The following MCF2L2 variants were observed in gnomAD, a reference collection of about 807,000 sequenced individuals.
MCF2L2 encodes the protein MCF.2 cell line derived transforming sequence-like 2, also known as probable guanine nucleotide exchange factor MCF2L2.
Under a neutral mutation model 150.2 loss-of-function variants are expected in MCF2L2, and 102 were observed. The observed-to-expected ratio is 0.68, with a 90% CI of 0.58 to 0.80. The LOEUF (loss-of-function observed/expected upper bound fraction) is 0.80, where lower values mean the gene tolerates loss of function less well. Ranked by LOEUF, MCF2L2 falls within the 30% of genes least tolerant of loss-of-function variation. The pLI, the probability that MCF2L2 is intolerant of heterozygous loss-of-function variation, is 0.00. For synonymous variants in MCF2L2, 465 were observed against 491.3 expected (o/e 0.95, Z 0.71); for missense variants, 1,256 against 1,372.8 (o/e 0.91, Z 1.34).
rs143577677 is a variant in MCF2L2 at position 183,205,107 on chromosome 3, G to A, written c.2884+769C>T. Among the ~76,000 whole-genome samples the A allele has an allele frequency of 4.1e-3, 631 of 152,290 alleles. 9 individuals carry two copies. Among genetic ancestry groups the A allele is most frequent in the Non-Finnish European group, 1.4e-3 (98 of 68,012 alleles). ...ACTTTAAAACAAAAAACAGCTGGGC[G>A]CAGTGGCTCACACCTGTAATCCCAG... is the stretch of plus-strand genomic sequence containing the variant. On this transcript the variant is annotated intron_variant, in intron 25 of 29. Transcript: ENST00000328913.
chr3:183,209,788 C>T (rs2108650098), intron 22 of MCF2L2, among the ~76,000 whole-genome samples: 1 of 152,214 alleles, frequency 6.6e-6, no homozygotes, highest in Admixed American at 6.5e-5. Context: ...TGCTCCCGGC[C>T]TTCATGCACT....
intron 8 of MCF2L2, 51 bp downstream of exon 8, chr3:183,311,597 T>C: frequency 6.2e-7 from 1 of 1,607,176 alleles, no homozygotes; most frequent in Non-Finnish European, 8.5e-7. Flanking sequence ...CCAGAACATC[T>C]AGGTCTACAT....
intron 21 of MCF2L2, 62 bp downstream of exon 21, chr3:183,219,794 G>T (rs954167098): frequency 3.6e-6 from 4 of 1,110,802 alleles, no homozygotes; most frequent in South Asian, 1.3e-5. Flanking sequence ...TAAATCCTCC[G>T]ACCCATAGAC....
At chr3:183,349,897 C>T (rs1266486196) in intron 3 of MCF2L2, among the ~76,000 whole-genome samples, 4 of 151,628 alleles carry the variant, frequency 2.6e-5, no homozygotes, top group Non-Finnish European at 5.9e-5. Flanking sequence ...ACTTGAACCA[C>T]GTAATCATTG....
intron 3 of MCF2L2, among the ~76,000 whole-genome samples, chr3:183,369,858 C>T (rs1034212861): frequency 7.9e-5 from 12 of 152,134 alleles, no homozygotes; most frequent in Non-Finnish European, 1.5e-4. Context: ...TGTTGAAGGG[C>T]GTGGCAAACA....
chr3:183,284,540 A>G (rs745799671), intron 14 of MCF2L2, among the ~76,000 whole-genome samples: 4 of 152,148 alleles, frequency 2.6e-5, no homozygotes, highest in Non-Finnish European at 5.9e-5. Flanking sequence ...TGTCTCTACT[A>G]GAAATACAAA....
intron 5 of MCF2L2, among the ~76,000 whole-genome samples, chr3:183,324,282 C>A (rs939255026): frequency 6.6e-6 from 1 of 152,148 alleles, no homozygotes; most frequent in African/African-American, 2.4e-5. Context: ...AGGAAGCTGA[C>A]GCATCCCCAA....
At chr3:183,204,879 G>C (rs370727780) in intron 25 of MCF2L2, among the ~76,000 whole-genome samples, 1 of 152,008 alleles carries the variant, frequency 6.6e-6, no homozygotes, top group Non-Finnish European at 1.5e-5. Flanking sequence ...AAAAAAATAC[G>C]CAAAGTGAAA....
chr3:183,250,490 G>A (rs1345166335), intron 15 of MCF2L2, among the ~76,000 whole-genome samples: 2 of 152,016 alleles, frequency 1.3e-5, no homozygotes, highest in African/African-American at 2.4e-5. Flanking sequence ...GGGAGGCTGA[G>A]GCAGGAGAGT....
Position 183,309,774 on chromosome 3 carries a change from C to T in MCF2L2, c.1055G>A (p.Ser352Asn), listed in dbSNP as rs200012354. ...AAGAATCTGCTCCACGTGCATCACG[C>T]TGTCTCCAATGCCTGTAAACTCTGC... ...EQAEFTGIGD[S>N]VMHVEQILKE... Residue 352 changes from serine (S) to asparagine (N), a missense_variant, in exon 10 of 30, where the codon AGC (serine) becomes AAC (asparagine). Ser to Asn is a conservative substitution (Grantham distance 46). Transcript: ENST00000328913. 6 of 1,614,006 alleles carry T rather than the reference C, an allele frequency of 3.7e-6. No homozygotes were observed. The African/African-American group carries it at 8.0e-5, about 22-fold the overall frequency.
chr3:183,392,146 TTTAAA>T (rs1310319010), intron 1 of MCF2L2, among the ~76,000 whole-genome samples: 6 of 152,338 alleles, frequency 3.9e-5, no homozygotes, highest in East Asian at 3.9e-4. Flanking sequence ...TGAGGTGTGC[TTTAAA>T]TTAAACATTT....
At chr3:183,228,402 G>T in intron 17 of MCF2L2, 36 bp from the exon 18 acceptor site, 1 of 1,422,122 alleles carries the variant, frequency 7.0e-7, no homozygotes, top group Non-Finnish European at 9.9e-7. Context: ...ATAATGTTTT[G>T]ATTTTGACAT....
intron 3 of MCF2L2, among the ~76,000 whole-genome samples, chr3:183,345,333 G>C: frequency 6.6e-6 from 1 of 152,040 alleles, no homozygotes; most frequent in East Asian, 1.9e-4. Context: ...GGTAAATAAC[G>C]AAATTAAGGC....
intron 15 of MCF2L2, among the ~76,000 whole-genome samples, chr3:183,261,050 C>T (rs1725534400): frequency 6.6e-6 from 1 of 152,174 alleles, no homozygotes; most frequent in Non-Finnish European, 1.5e-5. Context: ...GCAAAGATAT[C>T]TAATGTTTCA....
At chr3:183,258,946 A>G (rs1725333834) in intron 15 of MCF2L2, among the ~76,000 whole-genome samples, 1 of 152,228 alleles carries the variant, frequency 6.6e-6, no homozygotes, top group African/African-American at 2.4e-5. Flanking sequence ...TATAAATGCT[A>G]TGTAAACAAT....
At chr3:183,192,195 C>T (rs997179238) in intron 27 of MCF2L2, among the ~76,000 whole-genome samples, 2 of 151,430 alleles carry the variant, frequency 1.3e-5, no homozygotes, top group African/African-American at 4.8e-5. Context: ...GGCTGGAGTG[C>T]AGTGGCACCA....
intron 6 of MCF2L2, among the ~76,000 whole-genome samples, chr3:183,322,326 C>T (rs1242728749): frequency 6.6e-6 from 1 of 152,140 alleles, no homozygotes; most frequent in Non-Finnish European, 1.5e-5. Context: ...TTCGTTAGTC[C>T]GGGGTTTCTC....
intron 15 of MCF2L2, among the ~76,000 whole-genome samples, chr3:183,240,939 C>T (rs1306438641): frequency 2.0e-5 from 3 of 152,226 alleles, no homozygotes; most frequent in Non-Finnish European, 4.4e-5. Flanking sequence ...TACTAATTGA[C>T]CAGACATGTA....
At chr3:183,248,957 GC>G (rs1308654645) in intron 15 of MCF2L2, among the ~76,000 whole-genome samples, 1 of 152,168 alleles carries the variant, frequency 6.6e-6, no homozygotes, top group Non-Finnish European at 1.5e-5. Context: ...CAGCCATGTA[GC>G]CCCCATCTTG....
Sources: allele counts gnomAD v4.1 joint callset (sites outside exome capture counted in the v4.1 genomes callset), GRCh38; gene constraint gnomAD v4.1.1; transcripts MANE v1.5; gene names NCBI Gene and HGNC (gene_info 2026-07-23, HGNC 2026-07-21).